ATAD5: variants seen among roughly 807,000 people sequenced by gnomAD.
ATAD5 encodes ATPase family AAA domain-containing protein 5.
Under a neutral mutation model 176.9 loss-of-function variants are expected in ATAD5, and 58 were observed. The observed-to-expected ratio is 0.33, with a 90% confidence interval of 0.27 to 0.41. The LOEUF (loss-of-function observed/expected upper bound fraction) is 0.41, where lower values mean the gene tolerates loss of function less well. Ranked by LOEUF, ATAD5 falls within the 10% of genes least tolerant of loss-of-function variation. The pLI is 1.00. For missense variants in ATAD5, 1,789 were observed against 2,094.1 expected (o/e 0.85, Z 2.84); for synonymous variants, 640 against 712.6 (o/e 0.90, Z 1.62).
chr17:30,877,653 C>A, intron 16 of ATAD5, 104 bp downstream of exon 16: 1 of 1,181,006 alleles, frequency 8.5e-7, no homozygotes, highest in South Asian at 1.4e-5. Context: ...CTAAGGAGGT[C>A]AGGAATACGT....
Position 30,876,459 on chromosome 17 carries a change from A to T in ATAD5, c.3693A>T (p.Ala1231=), listed in dbSNP as rs1205133123. The change falls in exon 15 of 23, where the codon GCA becomes GCT. Residue 1231 remains alanine (A), a synonymous_variant. Transcript: ENST00000321990. ...CAAAAAGTAGTGGACCAAAGCGAGC[A>T]CTTCCTCCCAAAACCTTGGCAAATT... ...PSPKSSGPKR[A]LPPKTLANYF... is the part of the protein sequence containing the mutation. 6.2e-7 allele frequency: 1 copy of T among 1,610,850 alleles called. No individual in the cohort carries two copies. The highest frequency in any genetic ancestry group is 1.3e-5 in the African/African-American group (1 of 74,864).
At chr17:30,836,130 G>T in intron 2 of ATAD5, 82 bp downstream of exon 2, 2 of 1,221,852 alleles carry the variant, frequency 1.6e-6, no homozygotes, top group South Asian at 2.0e-5. Context: ...GTATTGGAGG[G>T]TATTTTTTTT....
intron 8 of ATAD5, among the ~76,000 whole-genome samples, chr17:30,857,876 GA>G (rs1050769037): frequency 1.3e-4 from 19 of 151,804 alleles, no homozygotes; most frequent in African/African-American, 3.6e-4. Context: ...CTAGTAGCTG[GA>G]ATTACAGGCA....
intron 6 of ATAD5, among the ~76,000 whole-genome samples, chr17:30,848,662 G>T (rs1906680288): frequency 6.6e-6 from 1 of 152,172 alleles, no homozygotes; most frequent in Admixed American, 6.6e-5. Context: ...GCCTGCCTCA[G>T]ACTTGTCATG....
At chr17:30,864,311 T>G (rs537859394) in intron 10 of ATAD5, 1 of 152,168 alleles carries the variant, frequency 6.6e-6, no homozygotes, top group Non-Finnish European at 1.5e-5. Flanking sequence ...CTGGGCAGCA[T>G]AGCAAGACCT....
chr17:30,846,894 A>AT (rs373499100), intron 6 of ATAD5, among the ~76,000 whole-genome samples: 35,620 of 149,480 alleles, frequency 0.24, 6,398 homozygotes, highest in African/African-American at 0.51. Context: ...CTAATTTTGT[A>AT]TTTTAGTAGA....
chr17:30,846,462 G>T (rs1245240040), intron 6 of ATAD5, among the ~76,000 whole-genome samples: 1 of 150,778 alleles, frequency 6.6e-6, no homozygotes, highest in Non-Finnish European at 1.5e-5. Context: ...GAGTGCAGTG[G>T]CGTGATCTCG....
At chr17:30,878,904 G>A (rs1775913788) in intron 17 of ATAD5, among the ~76,000 whole-genome samples, 1 of 151,682 alleles carries the variant, frequency 6.6e-6, no homozygotes, top group Non-Finnish European at 1.5e-5. Context: ...GCTAATTTTT[G>A]TATTTTTAGT....
intron 1 of ATAD5, 82 bp downstream of exon 1, chr17:30,832,495 C>T (rs1236818314): frequency 7.4e-7 from 1 of 1,356,850 alleles, no homozygotes; most frequent in Non-Finnish European, 9.7e-7. Context: ...GAAGGTGATC[C>T]TGACTTTGTA....
intron 18 of ATAD5, among the ~76,000 whole-genome samples, chr17:30,883,135 T>A (rs1411109673): frequency 6.6e-6 from 1 of 151,556 alleles, no homozygotes; most frequent in Non-Finnish European, 1.5e-5. Context: ...TTTTTTTTTT[T>A]TTTTTTTGAG....
In ATAD5 at chr17:30,835,690, G is replaced by C; in HGVS notation, c.1609G>C (p.Glu537Gln). 6.2e-7 allele frequency: 1 copy of C among 1,607,680 alleles called. No homozygotes were observed. Among genetic ancestry groups the C allele is most frequent in the Non-Finnish European group, 8.5e-7 (1 of 1,177,654 alleles). Residue 537 changes from glutamate to glutamine, a missense_variant, in exon 2 of 23, where the codon GAA (glutamate) becomes CAA (glutamine). By Grantham distance (29) the Glu-to-Gln change is conservative. Coordinates refer to ENST00000321990, the MANE Select transcript of ATAD5 (RefSeq NM_024857.5). The stretch of plus-strand genomic sequence containing the variant: ...CAAAAGCAGCACTTTATTTAACAAT[G>C]AAAGTCTTGTTTATGAAGATATAGC... ...FFKSSTLFNN[E>Q]SLVYEDIAND...
chr17:30,881,107 TAA>T (rs34653985), intron 18 of ATAD5, among the ~76,000 whole-genome samples: 1 of 144,692 alleles, frequency 6.9e-6, no homozygotes. Context: ...TTCATTCTTC[TAA>T]AAAAAAAAAG....
chr17:30,892,100 C>T (rs1265931932), intron 19 of ATAD5, among the ~76,000 whole-genome samples: 2 of 151,990 alleles, frequency 1.3e-5, no homozygotes, highest in Non-Finnish European at 2.9e-5. Context: ...AGTCCCCCAC[C>T]ATCACCTCAC....
Position 30,868,343 on chromosome 17 carries a change from G to C in ATAD5, c.3244G>C (p.Asp1082His), listed in dbSNP as rs1246887300. ...GTTTTCTTGTGGCAGTTGGTTGAAA[G>C]ACTGGAAAAGAAGAGCTGAATTGGA... ...AIKKLHSWLK[D>H]WKRRAELEER... The change falls in exon 12 of 23, where the codon GAC becomes CAC. Residue 1082 changes from aspartate to histidine, a missense_variant. Asp to His is a moderately conservative substitution (Grantham distance 81). Around this residue, in one of 6 missense-constraint regions of ATAD5, gnomAD observed 487 missense variants for 573.6 expected, o/e 0.85. Transcript: ENST00000321990. 6.3e-7 allele frequency: 1 copy of C among 1,575,878 alleles called. No homozygotes were observed. The highest frequency in any genetic ancestry group is 8.6e-7 in the Non-Finnish European group (1 of 1,165,262).
intron 4 of ATAD5, among the ~76,000 whole-genome samples, chr17:30,843,224 C>T (rs1906242663): frequency 6.6e-6 from 1 of 151,590 alleles, no homozygotes; most frequent in African/African-American, 2.4e-5. Flanking sequence ...TGGTGGTGTG[C>T]GCCTGTAGTC....
rs535357020 is a variant in ATAD5, at chr17:30,832,384, C to T, written c.37C>T (p.Pro13Ser). 2.6e-6 allele frequency: 4 copies of T among 1,563,098 alleles called. No individual in the cohort carries two copies. Among genetic ancestry groups the T allele is most frequent in the Non-Finnish European group, 2.6e-6 (3 of 1,153,522 alleles). ...GVLAMAAAAA[P>S]PPVKDCEIEP... ...CCTGGCCATGGCGGCTGCAGCTGCT[C>T]CGCCTCCCGTGAAGGACTGCGAGAT... Residue 13 changes from proline to serine, a missense_variant, in exon 1 of 23, where the codon CCG becomes TCG. Physicochemically the swap from Pro to Ser is moderately conservative, Grantham distance 74. This residue lies in a region of ATAD5 where 696 missense variants were observed against 712.5 expected (regional missense o/e 0.98). Transcript: ENST00000321990.
chr17:30,834,818 C>A lies in ATAD5; in HGVS notation c.737C>A (p.Ala246Glu). Residue 246 changes from alanine (A) to glutamate (E), a missense_variant, in exon 2 of 23, where the codon GCA becomes GAA. Transcript: ENST00000321990. ...TKQMENTTSH[A>E]NSRDNVTEAA... is the part of the protein sequence containing the mutation. ...CAGATGGAGAATACTACAAGCCATG[C>A]AAACTCTAGAGATAACGTAACTGAA... The A allele has an allele frequency of 6.2e-7, 1 of 1,613,848 alleles. No individual in the cohort carries two copies. Among genetic ancestry groups the A allele is most frequent in the Non-Finnish European group, 8.5e-7 (1 of 1,179,914 alleles).
At chr17:30,873,092 G>A (rs892551667) in intron 14 of ATAD5, among the ~76,000 whole-genome samples, 2 of 152,080 alleles carry the variant, frequency 1.3e-5, no homozygotes, top group Non-Finnish European at 2.9e-5. Context: ...TAAATCCAGT[G>A]CCAGTTCTAT....
Position 30,868,406 on chromosome 17 carries a change from C to T in ATAD5, c.3307C>T (p.His1103Tyr), listed in dbSNP as rs1597981290. Residue 1103 changes from histidine (H) to tyrosine (Y), a missense_variant, in exon 12 of 23, where the codon CAT becomes TAT. By Grantham distance (83) the His-to-Tyr change is moderately conservative. Coordinates refer to ENST00000321990, the MANE Select transcript of ATAD5 (RefSeq NM_024857.5). ...TCTGAAGGGAAAAAGAGATGAGAAACATGAAGGTATTTTGTGTGTCTTTTT... is the reference window on the plus strand; with the variant it reads ...TCTGAAGGGAAAAAGAGATGAGAAATATGAAGGTATTTTGTGTGTCTTTTT... ...QNLKGKRDEKHEDFSGGIDFK... is the reference protein window; with the variant it reads ...QNLKGKRDEKYEDFSGGIDFK... 1 of 1,525,846 alleles carries T rather than the reference C, an allele frequency of 6.6e-7. No individual in the cohort carries two copies. The allele number at this position is 1,525,846 out of a possible 1,614,324, so 94.5% of individuals were successfully genotyped here.
Sources: gnomAD v4.1 joint callset for allele counts (sites outside exome capture counted in the v4.1 genomes callset) on GRCh38, gnomAD v4.1.1 for gene constraint, gnomAD v4.1.1 regional missense constraint, MANE v1.5 for transcripts, NCBI Gene and HGNC (gene_info 2026-07-23, HGNC 2026-07-21) for gene names.